Variants in THSD7B observed in about 807,000 individuals in gnomAD.
THSD7B encodes thrombospondin type-1 domain-containing protein 7B.
THSD7B carries 138 observed loss-of-function variants against 213.6 expected under a neutral mutation model. The observed-to-expected ratio is 0.65, with a 90% confidence interval of 0.56 to 0.74. The LOEUF is 0.74. Ranked by LOEUF, THSD7B falls within the 30% of genes least tolerant of loss-of-function variation. The pLI is 0.00. For synonymous variants in THSD7B, 742 were observed against 687.0 expected (o/e 1.08, Z -1.25); for missense variants, 1,931 against 1,991.5 (o/e 0.97, Z 0.58).
At chr2:137,011,149 G>A (rs979977) in intron 2 of THSD7B, among the ~76,000 whole-genome samples, 122,492 of 152,058 alleles carry the variant, frequency 0.81, 50,100 homozygotes, top group South Asian at 0.92. Flanking sequence ...AGAGCTGAAG[G>A]TAGATCATTT....
chr2:137,435,695 C>T (rs115195388), intron 14 of THSD7B, among the ~76,000 whole-genome samples: 4,077 of 152,194 alleles, frequency 0.027, 78 homozygotes, highest in Non-Finnish European at 0.039. Context: ...TAATTTCAAA[C>T]AATGAGAAAA....
At chr2:137,382,757 A>G (rs1056010698) in intron 12 of THSD7B, among the ~76,000 whole-genome samples, 8 of 152,190 alleles carry the variant, frequency 5.3e-5, no homozygotes, top group Middle Eastern at 3.2e-3. Flanking sequence ...CAAAGTTGCA[A>G]GAGGTCTTGG....
At chr2:137,222,431 TA>T (rs1425433675) in intron 7 of THSD7B, among the ~76,000 whole-genome samples, 3 of 152,226 alleles carry the variant, frequency 2.0e-5, no homozygotes, top group African/African-American at 7.2e-5. Context: ...AGAGGTCACA[TA>T]TTCATTTTAT....
chr2:137,319,190 G>C (rs952458875), intron 12 of THSD7B, among the ~76,000 whole-genome samples: 2 of 151,800 alleles, frequency 1.3e-5, no homozygotes, highest in Non-Finnish European at 2.9e-5. Context: ...AAAAAAAAGG[G>C]AGTTAAGATG....
At chr2:137,254,855 C>A (rs1380175107) in intron 10 of THSD7B, among the ~76,000 whole-genome samples, 1 of 151,682 alleles carries the variant, frequency 6.6e-6, no homozygotes, top group Non-Finnish European at 1.5e-5. Flanking sequence ...AGATACTTAG[C>A]AGTGTGTATG....
intron 7 of THSD7B, among the ~76,000 whole-genome samples, chr2:137,214,930 A>C (rs1407316970): frequency 6.6e-6 from 1 of 152,132 alleles, no homozygotes; most frequent in East Asian, 1.9e-4. Context: ...ATGATTTATA[A>C]TCCTTTGGGT....
intron 5 of THSD7B, among the ~76,000 whole-genome samples, chr2:137,156,350 T>A (rs1679908938): frequency 6.6e-6 from 1 of 152,182 alleles, no homozygotes; most frequent in South Asian, 2.1e-4. Flanking sequence ...AATAATTTAT[T>A]GATATGGATT....
chr2:137,188,476 G>T (rs917932589), intron 7 of THSD7B, among the ~76,000 whole-genome samples: 1 of 152,098 alleles, frequency 6.6e-6, no homozygotes, highest in African/African-American at 2.4e-5. Context: ...TGGAAAAATA[G>T]ATCTTCCAAT....
At chr2:136,885,659 C>T (rs1218350697) in intron 2 of THSD7B, among the ~76,000 whole-genome samples, 3 of 152,150 alleles carry the variant, frequency 2.0e-5, no homozygotes, top group African/African-American at 7.2e-5. Flanking sequence ...AAATTGTGCT[C>T]TCTTAAAAAA....
intron 15 of THSD7B, among the ~76,000 whole-genome samples, chr2:137,489,374 A>G (rs1573656836): frequency 6.6e-6 from 1 of 151,890 alleles, no homozygotes; most frequent in East Asian, 1.9e-4. Context: ...CAGTGAGCCA[A>G]GATCGCACCA....
At chr2:136,918,889 C>T (rs572509873) in intron 2 of THSD7B, among the ~76,000 whole-genome samples, 1 of 152,210 alleles carries the variant, frequency 6.6e-6, no homozygotes, top group African/African-American at 2.4e-5. Flanking sequence ...TTCTCCTGAC[C>T]TGGGTTAATA....
intron 2 of THSD7B, among the ~76,000 whole-genome samples, chr2:137,035,868 AG>A: frequency 6.6e-6 from 1 of 152,318 alleles, no homozygotes; most frequent in Middle Eastern, 3.4e-3. Context: ...TGGGACATAT[AG>A]CTTACATATT....
chr2:137,212,943 CA>C (rs1558960688), intron 7 of THSD7B, among the ~76,000 whole-genome samples: 1 of 146,884 alleles, frequency 6.8e-6, no homozygotes, highest in African/African-American at 2.5e-5. Flanking sequence ...AGTTCAAGGA[CA>C]GGAATGTTGT....
At chr2:136,888,888 A>G (rs1451646759) in intron 2 of THSD7B, among the ~76,000 whole-genome samples, 2 of 152,134 alleles carry the variant, frequency 1.3e-5, no homozygotes, top group African/African-American at 4.8e-5. Context: ...TAATAAGAAT[A>G]AAATATGAAA....
rs184730125 is a variant in THSD7B, at chr2:137,428,363, T to G, written c.2959+16491T>G. ...ATACATTGCTCGTGAGAATACAAAA[T>G]GATTCAGCTGCTTTGAAAAATCATC... On this transcript the variant is annotated intron_variant, in intron 14 of 27. Coordinates refer to ENST00000409968, the MANE Select transcript of THSD7B (RefSeq NM_001316349.2). Among the ~76,000 whole-genome samples, 108 of 152,316 alleles carry G rather than the reference T, an allele frequency of 7.1e-4. 1 individual carries two copies. Among genetic ancestry groups the G allele is most frequent in the Middle Eastern group, 3.4e-3 (1 of 294 alleles).
At chr2:136,833,741 C>T (rs1374858004) in intron 1 of THSD7B, among the ~76,000 whole-genome samples, 3 of 152,078 alleles carry the variant, frequency 2.0e-5, no homozygotes, top group South Asian at 2.1e-4. Flanking sequence ...CATCATTAAG[C>T]GTCTTTCTTT....
At chr2:137,150,975 T>G (rs1452422834) in intron 5 of THSD7B, among the ~76,000 whole-genome samples, 1 of 152,140 alleles carries the variant, frequency 6.6e-6, no homozygotes, top group Non-Finnish European at 1.5e-5. Context: ...TGTAGGGCAC[T>G]TACATGAATT....
chr2:137,574,774 C>T (rs1187745960), intron 17 of THSD7B, among the ~76,000 whole-genome samples: 11 of 151,978 alleles, frequency 7.2e-5, no homozygotes, highest in African/African-American at 2.4e-4. Flanking sequence ...CATAATGTCC[C>T]GTCATCATAG....
Position 137,026,591 on chromosome 2 carries a change from A to G in THSD7B, c.140-29829A>G, listed in dbSNP as rs1200261597. The stretch of plus-strand genomic sequence containing the variant: ...TGCTTCCATTCAATGTTGTGTGTCT[A>G]TCTCCCTACCCCCAGGTATTTCTTA... On this transcript the variant is annotated intron_variant, in intron 2 of 27. Transcript: ENST00000409968. Among the ~76,000 whole-genome samples, 4 of 152,058 alleles carry G rather than the reference A, an allele frequency of 2.6e-5. No individual in the cohort carries two copies. The East Asian group carries it at 7.7e-4, about 29-fold the overall frequency.
Sources: gnomAD v4.1 joint callset for allele counts (sites outside exome capture counted in the v4.1 genomes callset) on GRCh38, gnomAD v4.1.1 for gene constraint, MANE v1.5 for transcripts, NCBI Gene and HGNC (gene_info 2026-07-23, HGNC 2026-07-21) for gene names.